Variants in ZNF691 observed in about 807,000 individuals in gnomAD.
ZNF691 encodes the protein zinc finger protein 691.
ZNF691 carries 11 observed loss-of-function variants against 24.1 expected under a neutral mutation model. The ratio of observed to expected loss-of-function variants is 0.46; its 90% CI spans 0.29 to 0.75. ZNF691 has a LOEUF of 0.75. Among genes scored for constraint, ZNF691 ranks in the 30% least tolerant of loss-of-function variants. ZNF691 has a pLI of 0.11. For missense variants in ZNF691, 356 were observed against 409.0 expected (o/e 0.87, Z 1.12); for synonymous variants, 149 against 153.9 (o/e 0.97, Z 0.23).
intron 3 of ZNF691, among the ~76,000 whole-genome samples, chr1:42,850,119 T>C (rs1278011182): frequency 1.3e-5 from 2 of 151,908 alleles, no homozygotes; most frequent in East Asian, 1.9e-4. Flanking sequence ...TTGTGTGTGG[T>C]ATGAGAATGT....
At position 42,849,570 on chromosome 1, in the gene ZNF691, C is replaced by G; in HGVS notation, c.-89C>G. ...TCTGTGTTTCTTTTTTCCAGAAATA[C>G]TTGCAGACTTGAAGGAATTATCAGT... On this transcript the variant is annotated 5_prime_UTR_variant, in exon 3 of 4. The change creates a premature stop within an existing upstream ORF in the 5' untranslated region. Coordinates refer to ENST00000651192, the MANE Select transcript of ZNF691 (RefSeq NM_001242739.2). The G allele has an allele frequency of 9.7e-7, 1 of 1,035,336 alleles. No individual in the cohort carries two copies. Among genetic ancestry groups the G allele is most frequent in the East Asian group, 2.6e-5 (1 of 38,508 alleles). 64.1% of individuals were successfully genotyped at this position (1,035,336 alleles called of 1,614,324 possible).
In ZNF691 at chr1:42,851,515, A is replaced by C; in HGVS notation, c.650A>C (p.His217Pro). 6.2e-7 allele frequency: 1 copy of C among 1,614,236 alleles called. No homozygotes were observed. The highest frequency in any genetic ancestry group is 8.5e-7 in the Non-Finnish European group (1 of 1,180,042). The change falls in exon 4 of 4, where the codon CAT becomes CCT. Residue 217 changes from histidine to proline, a missense_variant. Physicochemically the swap from His to Pro is moderately conservative, Grantham distance 77 (BLOSUM62 -2). Coordinates refer to ENST00000651192, the MANE Select transcript of ZNF691 (RefSeq NM_001242739.2). This position sits in a 1 kb window ranked among gnomAD's most constrained non-coding sequence, Gnocchi z 4.7. ...AGCCAGAGTGCCACGCTAGCTGTGC[A>C]TCACCGGACCCACCTGGAGCCAGCA... ...SFSQSATLAV[H>P]HRTHLEPAPY...
At chr1:42,848,438 C>T (rs1009502688) in intron 1 of ZNF691, among the ~76,000 whole-genome samples, 14 of 152,160 alleles carry the variant, frequency 9.2e-5, no homozygotes, top group Non-Finnish European at 2.1e-4. Flanking sequence ...ACATGTTCTA[C>T]TAGTAGTTGC....
At chr1:42,847,301 C>T (rs1655267308) in intron 1 of ZNF691, among the ~76,000 whole-genome samples, 1 of 152,170 alleles carries the variant, frequency 6.6e-6, no homozygotes, top group South Asian at 2.1e-4. Context: ...GGCTTGGCCC[C>T]TTGCCTTTAA....
intron 1 of ZNF691, among the ~76,000 whole-genome samples, chr1:42,848,538 G>T (rs74068327): frequency 0.013 from 1,975 of 152,252 alleles, 35 homozygotes; most frequent in African/African-American, 0.046. Context: ...AAGTGGGTGA[G>T]ACAGTTCATG....
chr1:42,850,962 G>C lies in ZNF691; in HGVS notation c.97G>C (p.Gly33Arg). 6.5e-7 allele frequency: 1 copy of C among 1,535,068 alleles called. No homozygotes were observed. Among genetic ancestry groups the C allele is most frequent in the Non-Finnish European group, 8.7e-7 (1 of 1,145,618 alleles). ...LPLSSEGSEMGSEKEQSPEPH... is the reference protein window; with the variant it reads ...LPLSSEGSEMRSEKEQSPEPH... The stretch of plus-strand genomic sequence containing the variant: ...TGTTCATTCTCAGGGTTCAGAGATG[G>C]GCAGTGAGAAGGAGCAGAGTCCAGA... Residue 33 changes from glycine (G) to arginine (R), a missense_variant, in exon 4 of 4, where the codon GGC becomes CGC. By Grantham distance (125) the Gly-to-Arg change is moderately radical. Transcript: ENST00000651192.
chr1:42,852,107 G>T lies in ZNF691; in HGVS notation c.*294G>T, dbSNP rs556995848. ...TAGGGTAGGCTCAGAACATGCTCAT[G>T]TTATTAAGGCAGCAGTCCCCCTGGC... is the stretch of plus-strand genomic sequence containing the variant. On this transcript the variant is annotated 3_prime_UTR_variant, in exon 4 of 4. Coordinates refer to ENST00000651192, the MANE Select transcript of ZNF691 (RefSeq NM_001242739.2). 1.6e-5 allele frequency: 8 copies of T among 513,244 alleles called. No individual in the cohort carries two copies. Among genetic ancestry groups the T allele is most frequent in the Non-Finnish European group, 2.9e-5 (8 of 273,142 alleles). The allele number at this position is 513,244 out of a possible 1,614,324, so 31.8% of individuals were successfully genotyped here.
Position 42,851,720 on chromosome 1 carries a change from C to T in ZNF691, c.855C>T (p.Cys285=). Residue 285 remains cysteine (C), a synonymous_variant, in exon 4 of 4, where the codon TGC becomes TGT. Transcript: ENST00000651192. This position sits in a 1 kb window ranked among gnomAD's most constrained non-coding sequence, Gnocchi z 4.7. ...ACAGAGGGGAGAAGCCCTACCGGTGCACTGTGTGTGGGAAACACTTCTCCC... is the reference window on the plus strand; with the variant it reads ...ACAGAGGGGAGAAGCCCTACCGGTGTACTGTGTGTGGGAAACACTTCTCCC... ...RTHRGEKPYR[C]TVCGKHFSRS... is the part of the protein sequence containing the mutation. The T allele has an allele frequency of 5.6e-6, 9 of 1,614,252 alleles. No homozygotes were observed. Among genetic ancestry groups the T allele is most frequent in the South Asian group, 1.1e-5 (1 of 91,086 alleles).
At position 42,851,427 on chromosome 1, in the gene ZNF691, A is replaced by G. The variant is rs768089623; in HGVS notation, c.562A>G (p.Thr188Ala). ...CTTTCGGCGGCGCTCAGACCTCACC[A>G]CGCACCAGCAAGATCACCTAGGCAA... ...ESFRRRSDLT[T>A]HQQDHLGKRP... Residue 188 changes from threonine to alanine, a missense_variant, in exon 4 of 4, where the codon ACG becomes GCG. Coordinates refer to ENST00000651192, the MANE Select transcript of ZNF691 (RefSeq NM_001242739.2). The surrounding 1 kb of genome is among the most constrained non-coding windows in gnomAD (Gnocchi z 4.7). The G allele has an allele frequency of 6.2e-7, 1 of 1,614,144 alleles. No homozygotes were observed. Among genetic ancestry groups the G allele is most frequent in the Non-Finnish European group, 8.5e-7 (1 of 1,180,028 alleles).
chr1:42,847,429 C>T (rs566432127), intron 1 of ZNF691, among the ~76,000 whole-genome samples: 5 of 152,306 alleles, frequency 3.3e-5, no homozygotes, highest in Admixed American at 3.3e-4. Context: ...TCTCTCTGTG[C>T]AGCTGAGCCA....
Position 42,851,303 on chromosome 1 carries a change from T to C in ZNF691, c.438T>C (p.Ser146=), listed in dbSNP as rs1478975869. 5 of 1,614,094 alleles carry C rather than the reference T, an allele frequency of 3.1e-6. No individual in the cohort carries two copies. Among genetic ancestry groups the C allele is most frequent in the Non-Finnish European group, 4.2e-6 (5 of 1,180,022 alleles). Residue 146 remains serine (S), a synonymous_variant, in exon 4 of 4, where the codon TCT becomes TCC. Coordinates refer to ENST00000651192, the MANE Select transcript of ZNF691 (RefSeq NM_001242739.2). The surrounding 1 kb of genome is among the most constrained non-coding windows in gnomAD (Gnocchi z 4.7). ...CTGGTGAGAAGCCTTACAAGTGTTCTGAATGTGGCAAGAGCTTCTCGAGAA... is the reference window on the plus strand; with the variant it reads ...CTGGTGAGAAGCCTTACAAGTGTTCCGAATGTGGCAAGAGCTTCTCGAGAA... The part of the protein sequence containing the change: ...IHTGEKPYKC[S]ECGKSFSRSS...
In ZNF691 at chr1:42,849,448, G is replaced by A. The variant is rs564813561; in HGVS notation, c.-95+35G>A. On this transcript the variant is annotated intron_variant, in intron 2 of 3. Coordinates refer to ENST00000651192, the MANE Select transcript of ZNF691 (RefSeq NM_001242739.2). ...ACAATTTTAGTGAAGAGGGAGTTTA[G>A]GCTCAGAGTGGTTGAATAATTTGCA... 1.2e-4 allele frequency: 79 copies of A among 666,636 alleles called. 1 individual carries two copies. Among genetic ancestry groups the A allele is most frequent in the South Asian group, 1.2e-3 (77 of 66,272 alleles). 41.3% of individuals were successfully genotyped at this position (666,636 alleles called of 1,614,324 possible). A position where few individuals can be genotyped will look rare whatever the true frequency, so the allele number is the denominator to read the frequency against.
chr1:42,846,978 A>G (rs1031240943), intron 1 of ZNF691, among the ~76,000 whole-genome samples: 40 of 152,016 alleles, frequency 2.6e-4, no homozygotes, highest in South Asian at 1.0e-3. Context: ...CCCGCCGGCA[A>G]TCTCTGAAAC....
intron 1 of ZNF691, among the ~76,000 whole-genome samples, 190 bp from the exon 2 acceptor site, chr1:42,849,101 C>A (rs1278052530): frequency 1.3e-5 from 2 of 152,092 alleles, no homozygotes; most frequent in Non-Finnish European, 2.9e-5. Flanking sequence ...TATCCCATGG[C>A]CATAAATATT....
At chr1:42,850,910 C>A in intron 3 of ZNF691, 40 bp from the exon 4 acceptor site, 1 of 1,541,212 alleles carries the variant, frequency 6.5e-7, no homozygotes. Context: ...CTGGCCCAAC[C>A]CAAAGAATAA....
intron 1 of ZNF691, among the ~76,000 whole-genome samples, chr1:42,848,660 T>C (rs1053591325): frequency 6.6e-6 from 1 of 151,836 alleles, no homozygotes; most frequent in African/African-American, 2.4e-5. Context: ...TTTGGTTACA[T>C]TGGTAAATTA....
intron 3 of ZNF691, 111 bp from the exon 4 acceptor site, chr1:42,850,839 A>G: frequency 6.4e-7 from 1 of 1,568,164 alleles, no homozygotes; most frequent in Non-Finnish European, 8.7e-7. Context: ...GGTTATTTCT[A>G]ATGGATGGTC....
intron 3 of ZNF691, chr1:42,850,447 T>A (rs374989114): frequency 7.1e-6 from 7 of 985,370 alleles, no homozygotes; most frequent in Admixed American, 6.1e-5. Flanking sequence ...CTGGGCCTTG[T>A]CACCTAGGAA....
Position 42,850,941 on chromosome 1 carries a change from C to A in ZNF691, c.85-9C>A, listed in dbSNP as rs771927395. The A allele has an allele frequency of 1.3e-6, 2 of 1,534,152 alleles. No individual in the cohort carries two copies. The highest frequency in any genetic ancestry group is 4.5e-5 in the East Asian group (2 of 44,414). On this transcript the variant is annotated splice_polypyrimidine_tract_variant and intron_variant, in intron 3 of 3. Transcript: ENST00000651192. ...AATAAAGGTGTTGGCCATTTGTGTT[C>A]ATTCTCAGGGTTCAGAGATGGGCAG...
Sources: gnomAD v4.1 joint callset for allele counts (sites outside exome capture counted in the v4.1 genomes callset) on GRCh38, gnomAD v4.1.1 for gene constraint, Gnocchi (gnomAD v3.1) non-coding constraint, MANE v1.5 for transcripts, NCBI Gene and HGNC (gene_info 2026-07-23, HGNC 2026-07-21) for gene names.